Variants in C20orf96 observed in about 807,000 individuals in gnomAD.
C20orf96 encodes the protein chromosome 20 open reading frame 96.
In C20orf96, 57 loss-of-function variants were observed where a neutral mutation model predicts 52.6. The observed-to-expected ratio is 1.08, with a 90% CI of 0.88 to 1.35. The LOEUF (loss-of-function observed/expected upper bound fraction) is 1.35. C20orf96 is among the 40% of genes most tolerant of loss of function. C20orf96 has a pLI of 0.00. For synonymous variants in C20orf96, 168 were observed against 157.2 expected, an observed-to-expected ratio of 1.07 and a Z score of -0.51; for missense variants, 478 against 443.6, an observed-to-expected ratio of 1.08 and a Z score of -0.70.
rs945241529 is a variant in C20orf96 at position 271,405 on chromosome 20, A to C, written c.1032-138T>G. ...AATCCCAAAATACAATCTGTGATCT[A>C]TCTGTGACCTCAAAGCCCAACTGTG... On this transcript the variant is annotated intron_variant, in intron 10 of 10. Transcript: ENST00000360321. The C allele has an allele frequency of 5.3e-4, 333 of 626,032 alleles. 3 individuals carry two copies. In the South Asian group the frequency reaches 5.8e-3, roughly 11 times the overall value. 38.8% of individuals were successfully genotyped at this position (626,032 alleles called of 1,614,324 possible).
intron 4 of C20orf96, among the ~76,000 whole-genome samples, chr20:280,358 C>T (rs1477437038): frequency 6.6e-6 from 1 of 151,158 alleles, no homozygotes; most frequent in Non-Finnish European, 1.5e-5. Context: ...CAATTGTACT[C>T]CCCTAAGGTT....
rs140504163 is a variant in C20orf96, at chr20:271,242, G to C, written c.1057C>G (p.Leu353Val). ...AGTGGCTCTTCCACAGGAATGTTGA[G>C]GATGACATCCATGTCTGGGGTGCAC... is the stretch of plus-strand genomic sequence containing the variant. The part of the protein sequence containing the change: ...PKCTPDMDVI[L>V]NIPVEEPLPF The change falls in exon 11 of 11, where the codon CTC becomes GTC. Residue 353 changes from leucine (L) to valine (V), a missense_variant. Transcript: ENST00000360321. The C allele has an allele frequency of 1.3e-4, 199 of 1,556,796 alleles. No individual in the cohort carries two copies. Among genetic ancestry groups the C allele is most frequent in the Non-Finnish European group, 1.5e-4 (174 of 1,149,756 alleles).
At position 290,631 on chromosome 20, in the gene C20orf96, T is replaced by C. The variant is rs1324887444; in HGVS notation, c.-21A>G. ...GCCATTGGGGAAAATGGAAGAGAAG[T>C]TGCGAGTCTGTGAGACCCTGATCTT... On this transcript the variant is annotated 5_prime_UTR_variant, in exon 1 of 11. Coordinates refer to ENST00000360321, the MANE Select transcript of C20orf96 (RefSeq NM_153269.3). The C allele has an allele frequency of 2.5e-6, 4 of 1,609,340 alleles. No homozygotes were observed. The highest frequency in any genetic ancestry group is 1.4e-5 in the African/African-American group (1 of 72,478).
At chr20:289,196 AC>A (rs3051821) in intron 3 of C20orf96, among the ~76,000 whole-genome samples, 1 of 148,306 alleles carries the variant, frequency 6.7e-6, no homozygotes, top group Non-Finnish European at 1.5e-5. Flanking sequence ...TCAAATCTGG[AC>A]CCCCCCCAAA....
chr20:285,235 G>A (rs914719090), intron 3 of C20orf96, among the ~76,000 whole-genome samples: 5 of 152,136 alleles, frequency 3.3e-5, no homozygotes, highest in African/African-American at 1.2e-4. Flanking sequence ...GGCATTTGGG[G>A]GGCATATTCT....
intron 3 of C20orf96, among the ~76,000 whole-genome samples, chr20:287,945 A>T (rs867441608): frequency 5.4e-4 from 75 of 139,104 alleles, no homozygotes; most frequent in African/African-American, 1.9e-3. Context: ...TTCACAGAAC[A>T]AAATTTTTAA....
Position 284,941 on chromosome 20 carries a change from CCT to C in C20orf96, c.188-862_188-861del, listed in dbSNP as rs571783313. 5.9e-5 allele frequency among the ~76,000 whole-genome samples: 9 copies of C among 152,314 alleles called. No individual in the cohort carries two copies. In the South Asian group the frequency reaches 8.3e-4, roughly 14 times the overall value. On this transcript the variant is annotated intron_variant, in intron 3 of 10. Coordinates refer to ENST00000360321, the MANE Select transcript of C20orf96 (RefSeq NM_153269.3). ...GCGTGACCTTGAGCAAGTCAAATGACCTCTGTGTCCCTCCATTCGTCCACCTA... is the reference window on the plus strand; with the variant it reads ...GCGTGACCTTGAGCAAGTCAAATGACCTGTGTCCCTCCATTCGTCCACCTA...
rs970209928 is a variant in C20orf96, at chr20:290,130, A to C, written c.69+129T>G. 7.2e-6 allele frequency: 5 copies of C among 690,652 alleles called. No individual in the cohort carries two copies. In the African/African-American group the frequency reaches 9.0e-5, roughly 12 times the overall value. The allele number at this position is 690,652 out of a possible 1,614,324, so 42.8% of individuals were successfully genotyped here. ...GCTCTGGGTCCCACAGCAAAGTGTG[A>C]CCCGGCTGGGACTGGAATTCGGGTC... On this transcript the variant is annotated intron_variant, in intron 2 of 10. Transcript: ENST00000360321.
intron 7 of C20orf96, 40 bp from the exon 8 acceptor site, chr20:277,185 T>C: frequency 6.2e-7 from 1 of 1,613,856 alleles, no homozygotes; most frequent in Non-Finnish European, 8.5e-7. Context: ...CAGTCCTGCC[T>C]CCCACACAGT....
chr20:277,479 C>G (rs1372613418), intron 6 of C20orf96, 96 bp from the exon 7 acceptor site: 1 of 1,302,964 alleles, frequency 7.7e-7, no homozygotes, highest in Non-Finnish European at 1.1e-6. Flanking sequence ...GTCTCCTTGG[C>G]CAGTAACTGG....
chr20:290,705 G>A lies in C20orf96; in HGVS notation c.-95C>T, dbSNP rs530272071. The A allele has an allele frequency of 1.5e-4, 216 of 1,402,576 alleles. 1 individual carries two copies. The African/African-American group carries it at 4.4e-3, about 29-fold the overall frequency. 86.9% of individuals were successfully genotyped at this position (1,402,576 alleles called of 1,614,324 possible). A position where few individuals can be genotyped will look rare whatever the true frequency, so the allele number is the denominator to read the frequency against. ...CAACTTCCTTGTCTCAGTGTAGATCGCGCGGTAACCCAGGCCACTCAGAAG... is the reference window on the plus strand; with the variant it reads ...CAACTTCCTTGTCTCAGTGTAGATCACGCGGTAACCCAGGCCACTCAGAAG... On this transcript the variant is annotated 5_prime_UTR_variant, in exon 1 of 11. Coordinates refer to ENST00000360321, the MANE Select transcript of C20orf96 (RefSeq NM_153269.3).
intron 10 of C20orf96, among the ~76,000 whole-genome samples, 173 bp from the exon 11 acceptor site, chr20:271,440 G>T: frequency 8.6e-6 from 1 of 116,650 alleles, no homozygotes; most frequent in Non-Finnish European, 1.8e-5. Flanking sequence ...GCATACACAA[G>T]CATACACACA....
chr20:276,483 G>A, intron 9 of C20orf96: 1 of 985,408 alleles, frequency 1.0e-6, no homozygotes. Context: ...ATGGGTGGTG[G>A]GCAGTAACAA....
chr20:278,439 G>T lies in C20orf96; in HGVS notation c.466-10C>A. ...AGATGTCGATGATGGTCTGCGGGAG[G>T]GGTGGAGTCAACTCACCCACAGGCT... On this transcript the variant is annotated splice_polypyrimidine_tract_variant and intron_variant, in intron 5 of 10. Coordinates refer to ENST00000360321, the MANE Select transcript of C20orf96 (RefSeq NM_153269.3). 1 of 1,609,738 alleles carries T rather than the reference G, an allele frequency of 6.2e-7. No homozygotes were observed. Among genetic ancestry groups the T allele is most frequent in the Non-Finnish European group, 8.5e-7 (1 of 1,176,262 alleles).
intron 3 of C20orf96, 24 bp from the exon 4 acceptor site, chr20:284,105 G>T: frequency 6.3e-7 from 1 of 1,594,172 alleles, no homozygotes; most frequent in South Asian, 1.1e-5. Flanking sequence ...GGAAAGGACA[G>T]GGAGAGAGTG....
At chr20:278,791 G>A (rs1363831874) in intron 5 of C20orf96, among the ~76,000 whole-genome samples, 1 of 146,946 alleles carries the variant, frequency 6.8e-6, no homozygotes, top group Non-Finnish European at 1.5e-5. Flanking sequence ...GTGAGTGCTG[G>A]CGCGCTGGGA....
At chr20:279,458 G>C in intron 4 of C20orf96, 128 bp from the exon 5 acceptor site, 2 of 1,079,258 alleles carry the variant, frequency 1.9e-6, no homozygotes, top group Non-Finnish European at 2.5e-6. Context: ...GCTGGTAAAC[G>C]CGGCCCAAGC....
At chr20:276,663 G>C (rs750591390) in intron 9 of C20orf96, 130 bp downstream of exon 9, 5 of 1,487,944 alleles carry the variant, frequency 3.4e-6, no homozygotes, top group South Asian at 1.3e-5. Context: ...CGGCAAGGAG[G>C]GAGGCCAACA....
At chr20:284,185 C>A in intron 3 of C20orf96, 104 bp from the exon 4 acceptor site, 1 of 787,296 alleles carries the variant, frequency 1.3e-6, no homozygotes, top group South Asian at 1.5e-5. Flanking sequence ...CAGACCCCAG[C>A]TCCACCCTCT....
Sources: gnomAD v4.1 joint callset for allele counts (sites outside exome capture counted in the v4.1 genomes callset) on GRCh38, gnomAD v4.1.1 for gene constraint, MANE v1.5 for transcripts, NCBI Gene and HGNC (gene_info 2026-07-23, HGNC 2026-07-21) for gene names.